Variants in DPYD observed in about 807,000 individuals in gnomAD.
DPYD encodes the protein dihydropyrimidine dehydrogenase, also known as dihydropyrimidine dehydrogenase [NADP(+)].
DPYD carries 109 observed loss-of-function variants against 116.2 expected under a neutral mutation model. That is an observed-to-expected ratio of 0.94 (90% CI 0.80 to 1.10). The LOEUF (loss-of-function observed/expected upper bound fraction) is 1.10. Among genes scored for constraint, DPYD ranks in the 50% least tolerant of loss-of-function variants. The pLI, the probability that DPYD is intolerant of heterozygous loss-of-function variation, is 0.00. For synonymous variants in DPYD, 440 were observed against 432.0 expected (o/e 1.02, Z -0.23); for missense variants, 1,302 against 1,254.5 (o/e 1.04, Z -0.57).
At chr1:97,436,125 TC>T (rs1675457735) in intron 14 of DPYD, among the ~76,000 whole-genome samples, 1 of 151,950 alleles carries the variant, frequency 6.6e-6, no homozygotes, top group African/African-American at 2.4e-5. Flanking sequence ...TTTCACATTA[TC>T]CTTTCTTTCT....
chr1:97,691,473 T>G, intron 7 of DPYD: 1 of 406,352 alleles, frequency 2.5e-6, no homozygotes, highest in Non-Finnish European at 4.5e-6. Flanking sequence ...ATTTGTTTCT[T>G]ACAGACAATT....
At chr1:97,847,421 A>C (rs1670359677) in intron 2 of DPYD, among the ~76,000 whole-genome samples, 1 of 152,206 alleles carries the variant, frequency 6.6e-6, no homozygotes, top group Admixed American at 6.5e-5. Context: ...AATATTTAAA[A>C]TCATTCTTTG....
chr1:97,825,391 GC>G (rs1254670890), intron 3 of DPYD, among the ~76,000 whole-genome samples: 1 of 152,022 alleles, frequency 6.6e-6, no homozygotes, highest in East Asian at 1.9e-4. Flanking sequence ...CAACACTGCA[GC>G]CACAATAGGA....
At chr1:97,189,682 C>G (rs1475058910) in intron 20 of DPYD, among the ~76,000 whole-genome samples, 2 of 152,126 alleles carry the variant, frequency 1.3e-5, no homozygotes, top group Non-Finnish European at 2.9e-5. Flanking sequence ...ATTATATTTT[C>G]ATTTTGGTAA....
chr1:97,770,214 C>T (rs1666068975), intron 3 of DPYD, among the ~76,000 whole-genome samples: 1 of 152,106 alleles, frequency 6.6e-6, no homozygotes. Flanking sequence ...TATGACTTTA[C>T]CATCGCAACA....
At chr1:97,901,858 T>C (rs566140284) in intron 1 of DPYD, among the ~76,000 whole-genome samples, 1 of 151,968 alleles carries the variant, frequency 6.6e-6, no homozygotes, top group South Asian at 2.1e-4. Flanking sequence ...GATGCTCTGG[T>C]ATCAAAAATA....
chr1:97,457,231 T>C (rs989843643), intron 13 of DPYD, among the ~76,000 whole-genome samples: 1 of 152,122 alleles, frequency 6.6e-6, no homozygotes, highest in African/African-American at 2.4e-5. Context: ...ATGTCTGCTA[T>C]ATGCCAAGGA....
chr1:97,629,730 T>A (rs780709918), intron 8 of DPYD, among the ~76,000 whole-genome samples: 3 of 152,064 alleles, frequency 2.0e-5, no homozygotes, highest in Non-Finnish European at 4.4e-5. Context: ...TAGAAATCTT[T>A]GCCATATATC....
At chr1:97,288,242 A>T (rs6691764) in intron 18 of DPYD, among the ~76,000 whole-genome samples, 2 of 147,646 alleles carry the variant, frequency 1.4e-5, no homozygotes, top group Non-Finnish European at 3.0e-5. Flanking sequence ...TAATGGGAGA[A>T]TTTAACACCC....
intron 8 of DPYD, among the ~76,000 whole-genome samples, chr1:97,613,079 C>T (rs1656049781): frequency 6.6e-6 from 1 of 151,956 alleles, no homozygotes; most frequent in Admixed American, 6.6e-5. Flanking sequence ...TGTCTTTTCT[C>T]TCTCTTTCCC....
At chr1:97,549,075 T>A (rs1651119845) in intron 12 of DPYD, among the ~76,000 whole-genome samples, 1 of 152,008 alleles carries the variant, frequency 6.6e-6, no homozygotes, top group South Asian at 2.1e-4. Flanking sequence ...TTTCTTATTT[T>A]TTTTTTTTGA....
intron 15 of DPYD, among the ~76,000 whole-genome samples, chr1:97,380,597 T>G (rs995700758): frequency 6.6e-6 from 1 of 152,154 alleles, no homozygotes. Flanking sequence ...ATAAAGACAG[T>G]TTTATAAACT....
chr1:97,700,813 T>TA (rs1397617377), intron 5 of DPYD, among the ~76,000 whole-genome samples: 1 of 151,890 alleles, frequency 6.6e-6, no homozygotes, highest in Non-Finnish European at 1.5e-5. Context: ...TAAACTTCAT[T>TA]AAAAGCTGGA....
intron 14 of DPYD, among the ~76,000 whole-genome samples, chr1:97,437,994 C>T (rs1413069958): frequency 6.6e-6 from 1 of 151,986 alleles, no homozygotes; most frequent in Non-Finnish European, 1.5e-5. Context: ...ATTTTGTCCA[C>T]TGAATTGCCT....
At chr1:97,345,117 CT>C (rs1255539463) in intron 16 of DPYD, among the ~76,000 whole-genome samples, 1 of 151,848 alleles carries the variant, frequency 6.6e-6, no homozygotes, top group African/African-American at 2.4e-5. Flanking sequence ...AATTTTGCTT[CT>C]TTAAATTGTC....
At chr1:97,528,669 T>C (rs1649334553) in intron 12 of DPYD, among the ~76,000 whole-genome samples, 1 of 152,164 alleles carries the variant, frequency 6.6e-6, no homozygotes, top group African/African-American at 2.4e-5. Context: ...TCAAGCTTGT[T>C]AAAACCTGTT....
intron 5 of DPYD, among the ~76,000 whole-genome samples, chr1:97,709,775 C>T (rs1662185069): frequency 6.6e-6 from 1 of 151,554 alleles, no homozygotes; most frequent in Non-Finnish European, 1.5e-5. Flanking sequence ...GTATATTTAC[C>T]AATTCAAATT....
At chr1:97,898,980 G>A (rs987210051) in intron 1 of DPYD, among the ~76,000 whole-genome samples, 14 of 151,800 alleles carry the variant, frequency 9.2e-5, no homozygotes, top group African/African-American at 9.7e-5. Flanking sequence ...AATCAGCAGC[G>A]TGAGAACAGA....
At chr1:97,803,124 G>T (rs752872429) in intron 3 of DPYD, among the ~76,000 whole-genome samples, 1 of 151,732 alleles carries the variant, frequency 6.6e-6, no homozygotes, top group Non-Finnish European at 1.5e-5. Context: ...TATGGCTAAG[G>T]TTATTAGCTT....
Sources: allele counts gnomAD v4.1 joint callset (sites outside exome capture counted in the v4.1 genomes callset), GRCh38; gene constraint gnomAD v4.1.1; transcripts MANE v1.5; gene names NCBI Gene and HGNC (gene_info 2026-07-23, HGNC 2026-07-21).